MYO16: variants seen among roughly 807,000 people sequenced by gnomAD.
MYO16 encodes myosin XVI.
Under a neutral mutation model 205.3 loss-of-function variants are expected in MYO16, and 94 were observed. The observed-to-expected ratio is 0.46, with a 90% CI of 0.39 to 0.54. The LOEUF (loss-of-function observed/expected upper bound fraction) is 0.54. Among genes scored for constraint, MYO16 ranks in the 20% least tolerant of loss-of-function variants. The pLI, the probability that MYO16 is intolerant of heterozygous loss-of-function variation, is 0.00. For synonymous variants in MYO16, 988 were observed against 954.0 expected, an observed-to-expected ratio of 1.04 and a Z score of -0.66; for missense variants, 2,315 against 2,387.5, an observed-to-expected ratio of 0.97 and a Z score of 0.63.
chr13:108,734,257 C>G (rs1884619040), intron 4 of MYO16, among the ~76,000 whole-genome samples: 1 of 151,570 alleles, frequency 6.6e-6, no homozygotes, highest in African/African-American at 2.4e-5. Flanking sequence ...AAAACAAAGG[C>G]AGCATACTAA....
intron 3 of MYO16, among the ~76,000 whole-genome samples, chr13:108,719,244 ACT>A (rs1884066617): frequency 6.6e-6 from 1 of 152,288 alleles, no homozygotes; most frequent in South Asian, 2.1e-4. Context: ...CTTCAAAGCC[ACT>A]GGTAACAAAA....
At chr13:108,499,273 T>G in the MYO16 span, among the ~76,000 whole-genome samples, 1 of 152,224 alleles carries the variant, frequency 6.6e-6, no homozygotes, top group Non-Finnish European at 1.5e-5. Flanking sequence ...GTCATTCAAG[T>G]ATGCAGGACC....
intron 27 of MYO16, among the ~76,000 whole-genome samples, chr13:109,061,276 A>G (rs1935314101): frequency 6.6e-6 from 1 of 152,210 alleles, no homozygotes; most frequent in Admixed American, 6.5e-5. Context: ...GCCCACAAGA[A>G]TAGCACTTTG....
the MYO16 span, among the ~76,000 whole-genome samples, chr13:108,548,760 C>T: frequency 6.8e-4 from 104 of 152,066 alleles, 1 homozygote; most frequent in South Asian, 0.021. Context: ...TTCAGCTGCT[C>T]ACTTCAGTAT....
rs184129097 is a variant in MYO16 at position 109,124,594 on chromosome 13, G to A, written c.3536-518G>A. 3.9e-5 allele frequency among the ~76,000 whole-genome samples: 6 copies of A among 152,234 alleles called. No individual in the cohort carries two copies. In the East Asian group the frequency reaches 1.2e-3, roughly 29 times the overall value. On this transcript the variant is annotated intron_variant, in intron 29 of 34. Coordinates refer to ENST00000457511, the MANE Select transcript of MYO16 (RefSeq NM_001198950.3). The stretch of plus-strand genomic sequence containing the variant: ...TTTTCTAGCCGTCCTTTCCCAGAGA[G>A]CAGGATGGATGTCCTATATTTATAC...
intron 21 of MYO16, among the ~76,000 whole-genome samples, chr13:108,993,458 C>A (rs1446535687): frequency 6.6e-6 from 1 of 152,112 alleles, no homozygotes; most frequent in Non-Finnish European, 1.5e-5. Flanking sequence ...AATGGGAGCA[C>A]TTTAATAACT....
the MYO16 span, among the ~76,000 whole-genome samples, chr13:108,540,842 A>G: frequency 1.3e-5 from 2 of 152,286 alleles, no homozygotes; most frequent in Non-Finnish European, 2.9e-5. Flanking sequence ...AACTATTTTG[A>G]GACAGTAACC....
chr13:108,759,769 G>A (rs9587675), intron 4 of MYO16, among the ~76,000 whole-genome samples: 34,363 of 149,876 alleles, frequency 0.23, 4,368 homozygotes, highest in African/African-American at 0.33. Flanking sequence ...GCAGTGAGCC[G>A]AGATCGCGCC....
chr13:108,589,655 T>C, the MYO16 span, among the ~76,000 whole-genome samples: 1 of 152,172 alleles, frequency 6.6e-6, no homozygotes, highest in Non-Finnish European at 1.5e-5. Flanking sequence ...TATGACCATA[T>C]ATATATTGAA....
At chr13:108,605,327 C>A (rs2139306580) in intron 1 of MYO16, among the ~76,000 whole-genome samples, 1 of 152,016 alleles carries the variant, frequency 6.6e-6, no homozygotes, top group East Asian at 1.9e-4. Context: ...CTGATTTGCT[C>A]CATGTGAAAA....
At chr13:108,761,663 C>T (rs767044391) in intron 4 of MYO16, among the ~76,000 whole-genome samples, 5 of 152,130 alleles carry the variant, frequency 3.3e-5, no homozygotes, top group Non-Finnish European at 2.9e-5. Flanking sequence ...GACATTTGAC[C>T]TGAACATTAT....
intron 4 of MYO16, among the ~76,000 whole-genome samples, chr13:108,746,033 C>A (rs1159311064): frequency 1.3e-5 from 2 of 148,974 alleles, no homozygotes; most frequent in Non-Finnish European, 1.5e-5. Flanking sequence ...TAAAAAAATA[C>A]AAAAAAAAAA....
At chr13:108,786,451 A>C (rs1043157893) in intron 5 of MYO16, among the ~76,000 whole-genome samples, 1 of 152,158 alleles carries the variant, frequency 6.6e-6, no homozygotes, top group Non-Finnish European at 1.5e-5. Context: ...TTTAGGTATA[A>C]ATAACAATAA....
At chr13:108,821,063 A>G (rs1875943133) in intron 8 of MYO16, among the ~76,000 whole-genome samples, 1 of 152,032 alleles carries the variant, frequency 6.6e-6, no homozygotes, top group Admixed American at 6.6e-5. Context: ...CAATAGTAAA[A>G]AGAGTTCTGA....
intron 4 of MYO16, among the ~76,000 whole-genome samples, chr13:108,768,916 A>T (rs773168974): frequency 6.6e-6 from 1 of 152,212 alleles, no homozygotes; most frequent in Non-Finnish European, 1.5e-5. Context: ...TCAAATGGCC[A>T]TGAACATGTG....
chr13:108,919,513 C>CTCCATTCCTTGTCTCCGCACT, intron 16 of MYO16, among the ~76,000 whole-genome samples: 1 of 151,834 alleles, frequency 6.6e-6, no homozygotes, highest in South Asian at 2.1e-4. Flanking sequence ...TTGACATCTT[C>CTCCATTCCTTGTCTCCGCACT]TCCTTTAGGG....
chr13:108,674,469 TC>T (rs1488376884), intron 2 of MYO16, among the ~76,000 whole-genome samples: 1 of 152,226 alleles, frequency 6.6e-6, no homozygotes, highest in Non-Finnish European at 1.5e-5. Context: ...TGGCACTGTT[TC>T]CACAGGGGTG....
At chr13:108,736,758 A>T (rs1004529527) in intron 4 of MYO16, among the ~76,000 whole-genome samples, 2 of 152,086 alleles carry the variant, frequency 1.3e-5, no homozygotes, top group African/African-American at 4.8e-5. Flanking sequence ...CACAATATTG[A>T]TTCTTCCTAT....
At position 108,778,611 on chromosome 13, in the gene MYO16, T is replaced by G. The variant is rs552780493; in HGVS notation, c.508-7024T>G. On this transcript the variant is annotated intron_variant, in intron 4 of 34. Coordinates refer to ENST00000457511, the MANE Select transcript of MYO16 (RefSeq NM_001198950.3). ...TCCAGCCTGAGTGACAGGGCGAGACTCCATCTAAAAAAATATATATTTTTT... is the reference window on the plus strand; with the variant it reads ...TCCAGCCTGAGTGACAGGGCGAGACGCCATCTAAAAAAATATATATTTTTT... Among the ~76,000 whole-genome samples the G allele has an allele frequency of 1.9e-4, 25 of 132,306 alleles. 1 individual carries two copies. In the East Asian group the frequency reaches 7.6e-3, roughly 40 times the overall value. 86.8% of individuals were successfully genotyped at this position (132,306 alleles called of 152,430 possible).
Sources: gnomAD v4.1 joint callset for allele counts (sites outside exome capture counted in the v4.1 genomes callset) on GRCh38, gnomAD v4.1.1 for gene constraint, MANE v1.5 for transcripts, NCBI Gene and HGNC (gene_info 2026-07-23, HGNC 2026-07-21) for gene names.